The following ATXN7L1 variants were observed in gnomAD, a reference collection of about 807,000 sequenced individuals.
ATXN7L1 encodes the protein ataxin 7 like 1.
In ATXN7L1, 15 loss-of-function variants were observed where a neutral mutation model predicts 70.8. That is an observed-to-expected ratio of 0.21 (90% CI 0.14 to 0.33). The LOEUF is 0.33. ATXN7L1 is among the 10% of genes least tolerant of loss of function. The pLI is 1.00. For synonymous variants in ATXN7L1, 440 were observed against 445.1 expected, an observed-to-expected ratio of 0.99 and a Z score of 0.14; for missense variants, 975 against 1,097.1, an observed-to-expected ratio of 0.89 and a Z score of 1.57.
chr7:105,631,776 A>G (rs1796635862), intron 7 of ATXN7L1, among the ~76,000 whole-genome samples: 1 of 152,234 alleles, frequency 6.6e-6, no homozygotes, highest in African/African-American at 2.4e-5. Flanking sequence ...CAATGACAAT[A>G]AACTTGCTAA....
intron 2 of ATXN7L1, among the ~76,000 whole-genome samples, chr7:105,811,609 G>T (rs1012195066): frequency 2.0e-5 from 3 of 152,174 alleles, no homozygotes; most frequent in African/African-American, 7.2e-5. Context: ...ACAGGAGTCT[G>T]GGACATGTCT....
chr7:105,865,588 A>T (rs1817303451), intron 2 of ATXN7L1, among the ~76,000 whole-genome samples: 2 of 152,014 alleles, frequency 1.3e-5, no homozygotes, highest in Non-Finnish European at 1.5e-5. Context: ...TTTTGAGTAG[A>T]GATGGGGTTT....
chr7:105,744,962 T>C (rs1345455381), intron 3 of ATXN7L1, among the ~76,000 whole-genome samples: 1 of 152,062 alleles, frequency 6.6e-6, no homozygotes, highest in African/African-American at 2.4e-5. Context: ...GGTCTTGAAC[T>C]CCTGACCTCA....
chr7:105,654,150 G>A (rs1411121120), intron 4 of ATXN7L1, among the ~76,000 whole-genome samples: 3 of 152,210 alleles, frequency 2.0e-5, no homozygotes, highest in Non-Finnish European at 4.4e-5. Flanking sequence ...ATGAATTAAT[G>A]TTCTCAGTGG....
intron 3 of ATXN7L1, among the ~76,000 whole-genome samples, chr7:105,749,081 C>T (rs1798900079): frequency 1.3e-5 from 2 of 152,198 alleles, no homozygotes; most frequent in Non-Finnish European, 2.9e-5. Flanking sequence ...TTACTGTTTT[C>T]CTTATTAGAT....
chr7:105,616,470 GA>G (rs1392155185), intron 9 of ATXN7L1, among the ~76,000 whole-genome samples: 2 of 152,176 alleles, frequency 1.3e-5, no homozygotes, highest in East Asian at 3.8e-4. Flanking sequence ...TCAAATACAA[GA>G]GAAAAATGTT....
At chr7:105,651,233 T>A (rs1318075325) in intron 4 of ATXN7L1, among the ~76,000 whole-genome samples, 1 of 152,240 alleles carries the variant, frequency 6.6e-6, no homozygotes, top group Non-Finnish European at 1.5e-5. Context: ...CAGGCCTTCC[T>A]GGCTCCATGC....
At chr7:105,662,799 T>G (rs1463151486) in intron 4 of ATXN7L1, among the ~76,000 whole-genome samples, 1 of 152,210 alleles carries the variant, frequency 6.6e-6, no homozygotes, top group Non-Finnish European at 1.5e-5. Flanking sequence ...TCAATCTTTA[T>G]CCCAGGATGG....
chr7:105,850,107 A>G (rs369132211), intron 2 of ATXN7L1, among the ~76,000 whole-genome samples: 7 of 152,244 alleles, frequency 4.6e-5, no homozygotes, highest in African/African-American at 1.7e-4. Context: ...ATAACAATGT[A>G]TTTTCTGATA....
chr7:105,767,037 C>T (rs1365260470), intron 3 of ATXN7L1, among the ~76,000 whole-genome samples: 1 of 152,210 alleles, frequency 6.6e-6, no homozygotes, highest in Non-Finnish European at 1.5e-5. Context: ...GGACGGCGGG[C>T]AGGAAGCAAG....
intron 5 of ATXN7L1, among the ~76,000 whole-genome samples, chr7:105,641,594 C>A (rs536876496): frequency 1.3e-5 from 2 of 152,382 alleles, no homozygotes; most frequent in African/African-American, 4.8e-5. Context: ...GAGGAGCCCT[C>A]GGCCTCCAGC....
rs147126914 is a variant in ATXN7L1, at chr7:105,611,098, G to A, written c.2473-495C>T. ...AGTTTTCCCGGCTAGGAGATGTAAC[G>A]CACACGCAACTGTTCTTTAGGAAAA... On this transcript the variant is annotated intron_variant, in intron 10 of 11. Coordinates refer to ENST00000419735, the MANE Select transcript of ATXN7L1 (RefSeq NM_020725.2). Among the ~76,000 whole-genome samples the A allele has an allele frequency of 1.8e-4, 28 of 152,322 alleles. 1 individual carries two copies. Among genetic ancestry groups the A allele is most frequent in the Middle Eastern group, 3.4e-3 (1 of 294 alleles).
intron 3 of ATXN7L1, among the ~76,000 whole-genome samples, chr7:105,722,256 G>T (rs2846082): frequency 0.58 from 88,092 of 151,848 alleles, 26,792 homozygotes; most frequent in East Asian, 0.78. Context: ...CAGTTAAAGT[G>T]GGGTCCATAT....
chr7:105,853,747 G>C (rs1251579891), intron 2 of ATXN7L1, among the ~76,000 whole-genome samples: 1 of 152,162 alleles, frequency 6.6e-6, no homozygotes, highest in Non-Finnish European at 1.5e-5. Flanking sequence ...CTGGGCAACA[G>C]AGCGAGACTC....
In ATXN7L1 at chr7:105,740,784, T is replaced by TTTTTTTTTTTTG. The variant is rs556048408; in HGVS notation, c.355+47819_355+47820insCAAAAAAAAAAA. Reference sequence around the variant, plus strand: ...GGCTCCATTCATTTTTTTTTTTTTTTAATGGAGTCTCACTCTGTCGCCCAG... The same window carrying TTTTTTTTTTTTG: ...GGCTCCATTCATTTTTTTTTTTTTTTTTTTTTTTTTTGAATGGAGTCTCACTCTGTCGCCCAG... On this transcript the variant is annotated intron_variant, in intron 3 of 11. Coordinates refer to ENST00000419735, the MANE Select transcript of ATXN7L1 (RefSeq NM_020725.2). Among the ~76,000 whole-genome samples, 38 of 77,918 alleles carry TTTTTTTTTTTTG rather than the reference T, an allele frequency of 4.9e-4. 5 individuals carry two copies. The East Asian group carries it at 7.4e-3, about 15-fold the overall frequency. 51.1% of individuals were successfully genotyped at this position (77,918 alleles called of 152,430 possible). A position where few individuals can be genotyped will look rare whatever the true frequency, so the allele number is the denominator to read the frequency against.
intron 3 of ATXN7L1, among the ~76,000 whole-genome samples, chr7:105,733,645 T>TCCAC (rs1563049095): frequency 3.8e-5 from 5 of 131,994 alleles, no homozygotes; most frequent in African/African-American, 1.2e-4. Flanking sequence ...CATCCATCCA[T>TCCAC]CCATCCATCC....
chr7:105,676,499 G>T (rs559893997), intron 3 of ATXN7L1, among the ~76,000 whole-genome samples: 2 of 152,142 alleles, frequency 1.3e-5, no homozygotes, highest in Non-Finnish European at 2.9e-5. Context: ...CAGACCCCAG[G>T]ATCTTGGGGA....
intron 9 of ATXN7L1, among the ~76,000 whole-genome samples, chr7:105,616,068 A>G (rs888395671): frequency 1.3e-5 from 2 of 152,140 alleles, no homozygotes; most frequent in Non-Finnish European, 2.9e-5. Flanking sequence ...GTCCTTTCCC[A>G]TTTCTCACCT....
intron 3 of ATXN7L1, among the ~76,000 whole-genome samples, chr7:105,745,771 G>A (rs1459141608): frequency 6.6e-6 from 1 of 152,218 alleles, no homozygotes; most frequent in African/African-American, 2.4e-5. Flanking sequence ...CCAGAGTGGA[G>A]CCATGATGTG....
Sources: allele counts gnomAD v4.1 joint callset (sites outside exome capture counted in the v4.1 genomes callset), GRCh38; gene constraint gnomAD v4.1.1; transcripts MANE v1.5; gene names NCBI Gene and HGNC (gene_info 2026-07-23, HGNC 2026-07-21).